Variants in HDDC2 observed in about 807,000 individuals in gnomAD.
HDDC2 encodes HD domain containing 2, also known as 5'-deoxynucleotidase HDDC2.
A neutral mutation model predicts 25.5 loss-of-function variants in HDDC2; 25 were observed. The ratio of observed to expected loss-of-function variants is 0.98; its 90% CI spans 0.72 to 1.37. The LOEUF is 1.37. Among genes scored for constraint, HDDC2 ranks in the 40% most tolerant of loss-of-function variants. HDDC2 has a pLI of 0.00. For synonymous variants in HDDC2, 106 were observed against 89.7 expected (o/e 1.18, Z -1.03); for missense variants, 264 against 253.1 (o/e 1.04, Z -0.29).
chr6:125,285,221 G>A (rs1798513228), intron 4 of HDDC2, among the ~76,000 whole-genome samples: 1 of 152,000 alleles, frequency 6.6e-6, no homozygotes, highest in African/African-American at 2.4e-5. Context: ...GTAGATGACA[G>A]GTTGATGGGT....
chr6:125,299,999 C>T (rs1798771126), intron 2 of HDDC2, among the ~76,000 whole-genome samples: 1 of 152,188 alleles, frequency 6.6e-6, no homozygotes, highest in Non-Finnish European at 1.5e-5. Flanking sequence ...CCATAACTTA[C>T]ATTTCACTTC....
intron 5 of HDDC2, chr6:125,276,494 AG>A (rs1221044643): frequency 4.3e-6 from 2 of 467,506 alleles, no homozygotes; most frequent in Non-Finnish European, 7.6e-6. Flanking sequence ...AATTAGGCAG[AG>A]GTAGGGGAAA....
At chr6:125,288,770 A>G (rs1798583840) in intron 4 of HDDC2, among the ~76,000 whole-genome samples, 1 of 136,724 alleles carries the variant, frequency 7.3e-6, no homozygotes, top group South Asian at 2.2e-4. Context: ...GCAAATCAAA[A>G]CCACTATGAG....
At chr6:125,298,689 T>C (rs1222132299) in intron 3 of HDDC2, 25 bp downstream of exon 3, 5 of 1,577,462 alleles carry the variant, frequency 3.2e-6, no homozygotes, top group South Asian at 1.1e-5. Context: ...GGTGGTTTTT[T>C]GCACAGTCAA....
intron 3 of HDDC2, chr6:125,293,279 A>T: frequency 3.6e-6 from 1 of 277,576 alleles, no homozygotes; most frequent in South Asian, 4.4e-5. Context: ...AGCATATGAG[A>T]GTTCAAAACA....
At chr6:125,293,831 A>C (rs1006370070) in intron 3 of HDDC2, among the ~76,000 whole-genome samples, 2 of 152,184 alleles carry the variant, frequency 1.3e-5, no homozygotes, top group African/African-American at 4.8e-5. Flanking sequence ...TTCAGGGGCC[A>C]TCTGCATTTG....
At chr6:125,288,469 G>A (rs1798579499) in intron 4 of HDDC2, among the ~76,000 whole-genome samples, 2 of 152,286 alleles carry the variant, frequency 1.3e-5, no homozygotes, top group South Asian at 4.1e-4. Context: ...GAGCAACAGA[G>A]GGACAAGGAG....
intron 5 of HDDC2, 149 bp downstream of exon 5, chr6:125,276,953 C>T: frequency 2.7e-6 from 2 of 736,760 alleles, no homozygotes; most frequent in Non-Finnish European, 4.5e-6. Context: ...AGCCTCTTAC[C>T]CGAATGTTTC....
rs571336080 is a variant in HDDC2 at position 125,301,548 on chromosome 6, C to A, written c.84+301G>T. Among the ~76,000 whole-genome samples the A allele has an allele frequency of 1.3e-4, 20 of 148,818 alleles. No individual in the cohort carries two copies. The South Asian group carries it at 3.8e-3, about 28-fold the overall frequency. On this transcript the variant is annotated intron_variant, in intron 1 of 5. Coordinates refer to ENST00000398153, the MANE Select transcript of HDDC2 (RefSeq NM_016063.3). ...GAGCCCCGGAAAAGCTCAGTGCAGG[C>A]AGGGCCAGGCCGGCTGCTCTCCGGG...
chr6:125,283,319 A>C (rs1277799753), intron 4 of HDDC2, among the ~76,000 whole-genome samples: 1 of 152,256 alleles, frequency 6.6e-6, no homozygotes, highest in African/African-American at 2.4e-5. Flanking sequence ...TGGCCAGGGC[A>C]ATCAGGCAAG....
At chr6:125,297,591 C>A in intron 3 of HDDC2, 1 of 399,060 alleles carries the variant, frequency 2.5e-6, no homozygotes, top group South Asian at 1.3e-4. Context: ...CAGTAACAGT[C>A]TGATGTCTCT....
At chr6:125,291,410 T>C (rs576640849) in intron 4 of HDDC2, among the ~76,000 whole-genome samples, 1 of 152,332 alleles carries the variant, frequency 6.6e-6, no homozygotes, top group Non-Finnish European at 1.5e-5. Context: ...AAAAATAATA[T>C]GGTACATATG....
chr6:125,280,226 CCA>C (rs1336748436), intron 4 of HDDC2, among the ~76,000 whole-genome samples: 2 of 152,218 alleles, frequency 1.3e-5, no homozygotes, highest in Non-Finnish European at 2.9e-5. Context: ...TGTGCTTTTC[CCA>C]CAGTCTTTGC....
rs139605086 is a variant in HDDC2 at position 125,286,371 on chromosome 6, T to C, written c.378+6470A>G. Among the ~76,000 whole-genome samples, 186 of 152,338 alleles carry C rather than the reference T, an allele frequency of 1.2e-3. 1 individual carries two copies. Among genetic ancestry groups the C allele is most frequent in the African/African-American group, 4.4e-3 (182 of 41,580 alleles). Reference sequence around the variant, plus strand: ...ACTCGGATAGTACAGGCAAAACCATTTTTAAAATTGTTTTCAGTAATCAGA... The same window carrying C: ...ACTCGGATAGTACAGGCAAAACCATCTTTAAAATTGTTTTCAGTAATCAGA... On this transcript the variant is annotated intron_variant, in intron 4 of 5. Transcript: ENST00000398153.
At chr6:125,285,060 A>G (rs934771405) in intron 4 of HDDC2, among the ~76,000 whole-genome samples, 12 of 151,858 alleles carry the variant, frequency 7.9e-5, no homozygotes, top group Non-Finnish European at 1.6e-4. Context: ...AAACTAACAC[A>G]GGAACAGAAA....
chr6:125,300,527 G>C lies in HDDC2; in HGVS notation c.206+11C>G, dbSNP rs1487547286. 6.2e-7 allele frequency: 1 copy of C among 1,612,628 alleles called. No individual in the cohort carries two copies. Among genetic ancestry groups the C allele is most frequent in the Non-Finnish European group, 8.5e-7 (1 of 1,179,462 alleles). ...AATCTCTCACGAGCATCAAAGTCCAGCTCAGCTTACCGGTCTTTGTTAAGA... is the reference window on the plus strand; with the variant it reads ...AATCTCTCACGAGCATCAAAGTCCACCTCAGCTTACCGGTCTTTGTTAAGA... On this transcript the variant is annotated intron_variant, in intron 2 of 5. Coordinates refer to ENST00000398153, the MANE Select transcript of HDDC2 (RefSeq NM_016063.3).
intron 3 of HDDC2, among the ~76,000 whole-genome samples, chr6:125,296,222 A>C (rs1798703962): frequency 6.6e-6 from 1 of 152,216 alleles, no homozygotes; most frequent in Admixed American, 6.5e-5. Flanking sequence ...CAGAGATGAC[A>C]AAGTATATGG....
chr6:125,300,608 C>T lies in HDDC2; in HGVS notation c.136G>A (p.Val46Ile), dbSNP rs530940861. ...VYRNVQRPES[V>I]SDHMYRMAVM... ...GCCATCCGGTACATGTGATCTGAAA[C>T]GCTCTCCGGCCTCTGGACATTTCTG... The change falls in exon 2 of 6, where the codon GTT (valine) becomes ATT (isoleucine). Residue 46 changes from valine (V) to isoleucine (I), a missense_variant. Transcript: ENST00000398153. 2.5e-4 allele frequency: 404 copies of T among 1,614,124 alleles called. 3 individuals are homozygous for T. The South Asian group carries it at 4.2e-3, about 17-fold the overall frequency.
Position 125,277,111 on chromosome 6 carries a change from A to G in HDDC2, c.508T>C (p.Ser170Pro). 1 of 1,614,064 alleles carries G rather than the reference A, an allele frequency of 6.2e-7. No homozygotes were observed. The highest frequency in any genetic ancestry group is 8.5e-7 in the Non-Finnish European group (1 of 1,179,982). ...KPGRLQDFYD[S>P]TAGKFNHPEI... ...AAATGGTGTTGAGTACCTGCTGTGG[A>G]ATCATAGAAGTCTTGCAGTCTCCCA... Residue 170 changes from serine (S) to proline (P), a missense_variant, in exon 5 of 6, where the codon TCC becomes CCC. Physicochemically the swap from Ser to Pro is moderately conservative, Grantham distance 74. Transcript: ENST00000398153.
Sources: allele counts gnomAD v4.1 joint callset (sites outside exome capture counted in the v4.1 genomes callset), GRCh38; gene constraint gnomAD v4.1.1; transcripts MANE v1.5; gene names NCBI Gene and HGNC (gene_info 2026-07-23, HGNC 2026-07-21).